RBMS3: variants seen among roughly 807,000 people sequenced by gnomAD.
RBMS3 encodes RNA-binding motif, single-stranded-interacting protein 3.
A neutral mutation model predicts 66.8 loss-of-function variants in RBMS3; 27 were observed. That is an observed-to-expected ratio of 0.40 (90% CI 0.30 to 0.56). The LOEUF is 0.56. Among genes scored for constraint, RBMS3 ranks in the 20% least tolerant of loss-of-function variants. RBMS3 has a pLI of 0.40. For missense variants in RBMS3, 513 were observed against 549.5 expected (o/e 0.93, Z 0.66); for synonymous variants, 188 against 183.0 (o/e 1.03, Z -0.22).
chr3:29,546,096 G>T, intron 3 of RBMS3, among the ~76,000 whole-genome samples: 1 of 145,238 alleles, frequency 6.9e-6, no homozygotes, highest in African/African-American at 2.6e-5. Context: ...GGCACTGTTT[G>T]ATGAGACGGG....
At chr3:29,441,768 T>G (rs1408652372) in intron 2 of RBMS3, among the ~76,000 whole-genome samples, 1 of 152,154 alleles carries the variant, frequency 6.6e-6, no homozygotes, top group Non-Finnish European at 1.5e-5. Context: ...GCTCAGATAA[T>G]TCTAGTATGT....
chr3:29,461,676 C>G (rs2125780601), intron 2 of RBMS3, among the ~76,000 whole-genome samples: 1 of 152,248 alleles, frequency 6.6e-6, no homozygotes, highest in African/African-American at 2.4e-5. Flanking sequence ...GAAGTCTAAA[C>G]TTATGAGTTT....
chr3:29,699,819 A>G (rs1411459833), intron 4 of RBMS3, among the ~76,000 whole-genome samples: 1 of 152,206 alleles, frequency 6.6e-6, no homozygotes, highest in Non-Finnish European at 1.5e-5. Context: ...GTGCACATGT[A>G]CCTACATTAC....
At chr3:29,697,951 A>G (rs2052356634) in intron 4 of RBMS3, among the ~76,000 whole-genome samples, 1 of 152,242 alleles carries the variant, frequency 6.6e-6, no homozygotes, top group Admixed American at 6.5e-5. Flanking sequence ...TATGCTTAGT[A>G]GTGCATTCAT....
At chr3:29,739,044 A>G (rs748871244) in intron 4 of RBMS3, among the ~76,000 whole-genome samples, 4 of 152,242 alleles carry the variant, frequency 2.6e-5, no homozygotes, top group Non-Finnish European at 5.9e-5. Context: ...ATGAACTCTC[A>G]TTAAATGCAA....
At chr3:29,328,190 A>G (rs2035450530) in intron 1 of RBMS3, among the ~76,000 whole-genome samples, 2 of 152,192 alleles carry the variant, frequency 1.3e-5, no homozygotes, top group African/African-American at 4.8e-5. Context: ...TACTAGTACT[A>G]TAACATTCTT....
At chr3:29,897,547 C>T in intron 9 of RBMS3, 72 bp downstream of exon 9, 3 of 1,396,084 alleles carry the variant, frequency 2.1e-6, no homozygotes, top group Middle Eastern at 1.8e-4. Context: ...GCAAAAAGGA[C>T]ACAGTAGAAT....
chr3:29,715,268 T>C (rs955471907), intron 4 of RBMS3, among the ~76,000 whole-genome samples: 8 of 152,160 alleles, frequency 5.3e-5, no homozygotes, highest in African/African-American at 1.9e-4. Flanking sequence ...ATTTCACAAA[T>C]GTCTGTACCT....
At chr3:29,524,591 C>A (rs1245134631) in intron 3 of RBMS3, among the ~76,000 whole-genome samples, 2 of 151,480 alleles carry the variant, frequency 1.3e-5, no homozygotes, top group East Asian at 2.0e-4. Flanking sequence ...CTGCGCCCAG[C>A]CAACTTTTGC....
chr3:29,503,710 C>A (rs1190981532), intron 3 of RBMS3, among the ~76,000 whole-genome samples: 1 of 152,026 alleles, frequency 6.6e-6, no homozygotes, highest in East Asian at 1.9e-4. Context: ...ATATTTGTAA[C>A]CAAAATCAAG....
chr3:29,885,596 A>G (rs1325857292), intron 8 of RBMS3, among the ~76,000 whole-genome samples: 7 of 152,052 alleles, frequency 4.6e-5, no homozygotes, highest in East Asian at 1.9e-4. Flanking sequence ...GTTTCAAATG[A>G]ATACATGTGA....
At chr3:29,370,698 T>C (rs1256273211) in intron 1 of RBMS3, among the ~76,000 whole-genome samples, 1 of 152,204 alleles carries the variant, frequency 6.6e-6, no homozygotes, top group African/African-American at 2.4e-5. Flanking sequence ...TTTATACTAT[T>C]AGTGTGGATT....
At chr3:29,987,159 C>T (rs2149793135) in intron 12 of RBMS3, among the ~76,000 whole-genome samples, 1 of 152,252 alleles carries the variant, frequency 6.6e-6, no homozygotes, top group Non-Finnish European at 1.5e-5. Flanking sequence ...CACAAAAAAT[C>T]ATTCCTCTAA....
chr3:29,285,269 G>C (rs1041366153), intron 1 of RBMS3, among the ~76,000 whole-genome samples: 8 of 146,378 alleles, frequency 5.5e-5, no homozygotes, highest in African/African-American at 2.0e-4. Flanking sequence ...GGAGTAGGTG[G>C]GGGTGGATGG....
chr3:29,316,372 A>G (rs1319426367), intron 1 of RBMS3, among the ~76,000 whole-genome samples: 2 of 151,746 alleles, frequency 1.3e-5, no homozygotes, highest in East Asian at 3.9e-4. Flanking sequence ...CTCATAATTG[A>G]AAGTTCAGCT....
At chr3:29,934,601 G>T (rs2061217435) in intron 10 of RBMS3, among the ~76,000 whole-genome samples, 1 of 152,118 alleles carries the variant, frequency 6.6e-6, no homozygotes, top group Admixed American at 6.6e-5. Context: ...GAATGACAAT[G>T]CACAGAAGCA....
chr3:29,596,289 T>A (rs1453607821), intron 4 of RBMS3, among the ~76,000 whole-genome samples: 9 of 152,202 alleles, frequency 5.9e-5, no homozygotes, highest in Admixed American at 5.9e-4. Context: ...GTTGAACATT[T>A]TAACACTGAG....
chr3:29,341,378 TC>T (rs2036272979), intron 1 of RBMS3, among the ~76,000 whole-genome samples: 1 of 152,140 alleles, frequency 6.6e-6, no homozygotes, highest in Non-Finnish European at 1.5e-5. Context: ...CCATTGTCAC[TC>T]ACTGGAGGAT....
intron 8 of RBMS3, among the ~76,000 whole-genome samples, chr3:29,889,285 G>C (rs777230220): frequency 6.6e-6 from 1 of 151,562 alleles, no homozygotes; most frequent in Non-Finnish European, 1.5e-5. Context: ...ACACCATATA[G>C]ATATGGGTAT....
Sources: gnomAD v4.1 joint callset for allele counts (sites outside exome capture counted in the v4.1 genomes callset) on GRCh38, gnomAD v4.1.1 for gene constraint, MANE v1.5 for transcripts, NCBI Gene and HGNC (gene_info 2026-07-23, HGNC 2026-07-21) for gene names.